SLC10A7: variants seen among roughly 807,000 people sequenced by gnomAD.
SLC10A7 encodes sodium/bile acid cotransporter 7.
In SLC10A7, 29 loss-of-function variants were observed where a neutral mutation model predicts 43.2. The ratio of observed to expected loss-of-function variants is 0.67; its 90% CI spans 0.50 to 0.92. The LOEUF (loss-of-function observed/expected upper bound fraction) is 0.92. Ranked by LOEUF, SLC10A7 falls within the 40% of genes least tolerant of loss-of-function variation. The pLI, the probability that SLC10A7 is intolerant of heterozygous loss-of-function variation, is 0.00. For synonymous variants in SLC10A7, 152 were observed against 144.8 expected, an observed-to-expected ratio of 1.05 and a Z score of -0.35; for missense variants, 295 against 403.2, an observed-to-expected ratio of 0.73 and a Z score of 2.30.
At chr4:146,418,813 C>T (rs367968853) in intron 5 of SLC10A7, among the ~76,000 whole-genome samples, 9 of 152,296 alleles carry the variant, frequency 5.9e-5, no homozygotes, top group African/African-American at 2.2e-4. Flanking sequence ...TCCCACAAGG[C>T]TATCCCCCAC....
In SLC10A7 at chr4:146,254,179, C is replaced by G. The variant is rs184497454; in HGVS notation, c.*2312G>C. On this transcript the variant is annotated 3_prime_UTR_variant, in exon 12 of 12. Transcript: ENST00000335472. ...TAAAAAACCCACAAAAATTTTAATA[C>G]TAAGAAAAAACATGAAAATACCAAC... 5.3e-5 allele frequency: 8 copies of G among 151,492 alleles called. No individual in the cohort carries two copies. The highest frequency in any genetic ancestry group is 2.0e-4 in the Admixed American group (3 of 15,244). 9.4% of individuals were successfully genotyped at this position (151,492 alleles called of 1,614,324 possible).
At chr4:146,316,305 T>C (rs1732318912) in intron 6 of SLC10A7, among the ~76,000 whole-genome samples, 1 of 152,110 alleles carries the variant, frequency 6.6e-6, no homozygotes, top group Non-Finnish European at 1.5e-5. Flanking sequence ...TCTGAATGTT[T>C]CTGTGCCCCT....
chr4:146,332,928 A>G (rs1261609394), intron 5 of SLC10A7, among the ~76,000 whole-genome samples: 1 of 152,176 alleles, frequency 6.6e-6, no homozygotes, highest in African/African-American at 2.4e-5. Context: ...TGATCCCATT[A>G]AAGCAATGTC....
At chr4:146,418,876 G>C (rs1289979204) in intron 5 of SLC10A7, among the ~76,000 whole-genome samples, 1 of 152,204 alleles carries the variant, frequency 6.6e-6, no homozygotes, top group Non-Finnish European at 1.5e-5. Context: ...TACCTGACCA[G>C]CTATAAATCA....
intron 1 of SLC10A7, among the ~76,000 whole-genome samples, chr4:146,521,314 A>T (rs1429038264): frequency 6.6e-6 from 1 of 152,118 alleles, no homozygotes; most frequent in Admixed American, 6.5e-5. Flanking sequence ...CCCTTGGGAT[A>T]GGATGCTACT....
At chr4:146,519,022 CTT>C (rs1388091379) in intron 1 of SLC10A7, among the ~76,000 whole-genome samples, 1 of 136,972 alleles carries the variant, frequency 7.3e-6, no homozygotes, top group African/African-American at 2.8e-5. Context: ...AAACCCTCCA[CTT>C]GTTCGATATA....
intron 10 of SLC10A7, among the ~76,000 whole-genome samples, chr4:146,260,887 G>C (rs75785928): frequency 0.022 from 3,318 of 151,868 alleles, 111 homozygotes; most frequent in African/African-American, 0.076. Flanking sequence ...TCAAACTCCC[G>C]TGCTCGCCAC....
At position 146,503,383 on chromosome 4, in the gene SLC10A7, A is replaced by G. The variant is rs546103996; in HGVS notation, c.396+466T>C. ...GCCATAGTCCCCTAGCAGTTGAATAATCTCTTTGAATTCATCTAAGAAACC... is the reference window on the plus strand; with the variant it reads ...GCCATAGTCCCCTAGCAGTTGAATAGTCTCTTTGAATTCATCTAAGAAACC... On this transcript the variant is annotated intron_variant, in intron 4 of 11. Transcript: ENST00000335472. 2.9e-3 allele frequency among the ~76,000 whole-genome samples: 435 copies of G among 152,308 alleles called. 2 individuals carry two copies. Among genetic ancestry groups the G allele is most frequent in the Non-Finnish European group, 4.6e-3 (310 of 68,032 alleles).
chr4:146,273,440 A>T (rs1431718594), intron 10 of SLC10A7, among the ~76,000 whole-genome samples: 1 of 152,154 alleles, frequency 6.6e-6, no homozygotes, highest in African/African-American at 2.4e-5. Context: ...CAGCTATATA[A>T]GCAGATGATC....
Position 146,304,850 on chromosome 4 carries a change from C to T in SLC10A7, c.555+1076G>A, listed in dbSNP as rs1271104306. ...GATCTGTCTAATGTTGACAGTGGGG[C>T]GTTAAAGTCTCCCATTATTAATGTG... On this transcript the variant is annotated intron_variant, in intron 7 of 11. Coordinates refer to ENST00000335472, the MANE Select transcript of SLC10A7 (RefSeq NM_001029998.6). Among the ~76,000 whole-genome samples, 629 of 151,784 alleles carry T rather than the reference C, an allele frequency of 4.1e-3. 7 individuals are homozygous for T. The highest frequency in any genetic ancestry group is 3.0e-3 in the Non-Finnish European group (204 of 67,932).
Position 146,463,069 on chromosome 4 carries a change from C to T in SLC10A7, c.397-20248G>A, listed in dbSNP as rs537315698. 3.0e-3 allele frequency among the ~76,000 whole-genome samples: 458 copies of T among 152,234 alleles called. 2 individuals are homozygous for T. Among genetic ancestry groups the T allele is most frequent in the African/African-American group, 0.01 (426 of 41,530 alleles). On this transcript the variant is annotated intron_variant, in intron 4 of 11. Coordinates refer to ENST00000335472, the MANE Select transcript of SLC10A7 (RefSeq NM_001029998.6). Reference sequence around the variant, plus strand: ...TAAATAACACACTCAGCAACTACACCATGTACATCTTTTGGTTGAAGTAAA... The same window carrying T: ...TAAATAACACACTCAGCAACTACACTATGTACATCTTTTGGTTGAAGTAAA...
chr4:146,315,873 ACCT>A (rs1176634735), intron 6 of SLC10A7, among the ~76,000 whole-genome samples: 1 of 152,072 alleles, frequency 6.6e-6, no homozygotes, highest in Non-Finnish European at 1.5e-5. Flanking sequence ...TGAGTTCCTA[ACCT>A]CCTAACCATT....
chr4:146,294,305 G>A (rs966574698), intron 7 of SLC10A7, among the ~76,000 whole-genome samples: 1 of 152,188 alleles, frequency 6.6e-6, no homozygotes, highest in Non-Finnish European at 1.5e-5. Context: ...TGTCCATAAT[G>A]AGAGTATATT....
chr4:146,393,689 T>C (rs1738611728), intron 5 of SLC10A7, among the ~76,000 whole-genome samples: 1 of 152,216 alleles, frequency 6.6e-6, no homozygotes, highest in Admixed American at 6.5e-5. Flanking sequence ...GAGTTCAAGA[T>C]ACATTGCTAC....
chr4:146,433,007 C>T (rs1217759617), intron 5 of SLC10A7, among the ~76,000 whole-genome samples: 1 of 149,390 alleles, frequency 6.7e-6, no homozygotes, highest in Non-Finnish European at 1.5e-5. Context: ...CACTGCACTC[C>T]AGCGTGGGTG....
chr4:146,472,113 T>A (rs952665773), intron 4 of SLC10A7, among the ~76,000 whole-genome samples: 3 of 152,110 alleles, frequency 2.0e-5, no homozygotes, highest in Non-Finnish European at 4.4e-5. Context: ...TAAAATATAG[T>A]GGAATAACTG....
chr4:146,468,632 G>A (rs973917634), intron 4 of SLC10A7, among the ~76,000 whole-genome samples: 7 of 151,908 alleles, frequency 4.6e-5, no homozygotes, highest in South Asian at 2.1e-4. Flanking sequence ...ACCACACCCG[G>A]CTAATTTTTA....
intron 4 of SLC10A7, among the ~76,000 whole-genome samples, chr4:146,447,960 C>T (rs1264214934): frequency 6.0e-5 from 9 of 150,698 alleles, no homozygotes; most frequent in Admixed American, 2.6e-4. Context: ...AGCAAACTAT[C>T]GCAAGGACAA....
intron 5 of SLC10A7, among the ~76,000 whole-genome samples, chr4:146,391,995 T>G (rs559311212): frequency 1.3e-5 from 2 of 152,348 alleles, no homozygotes; most frequent in East Asian, 3.9e-4. Flanking sequence ...TGAACATATC[T>G]GCTGAAACCC....
Sources: gnomAD v4.1 joint callset for allele counts (sites outside exome capture counted in the v4.1 genomes callset) on GRCh38, gnomAD v4.1.1 for gene constraint, MANE v1.5 for transcripts, NCBI Gene and HGNC (gene_info 2026-07-23, HGNC 2026-07-21) for gene names.